The following MARCHF1 variants were observed in gnomAD, a reference collection of about 807,000 sequenced individuals.
MARCHF1 encodes the protein membrane associated ring-CH-type finger 1.
In MARCHF1, 40 loss-of-function variants were observed where a neutral mutation model predicts 54.2. The ratio of observed to expected loss-of-function variants is 0.74; its 90% CI spans 0.57 to 0.96. MARCHF1 has a LOEUF of 0.96. MARCHF1 is among the 40% of genes least tolerant of loss of function. The probability of loss-of-function intolerance (pLI) is 0.00; values close to 1 mark genes in which losing one functional copy is unlikely to be tolerated. For synonymous variants in MARCHF1, 236 were observed against 236.3 expected, an observed-to-expected ratio of 1.00 and a Z score of 0.01; for missense variants, 586 against 656.5, an observed-to-expected ratio of 0.89 and a Z score of 1.17.
At chr4:163,554,491 C>G (rs1739219874) in intron 8 of MARCHF1, among the ~76,000 whole-genome samples, 1 of 152,076 alleles carries the variant, frequency 6.6e-6, no homozygotes, top group South Asian at 2.1e-4. Context: ...GTAGTTAGGT[C>G]GAACAGGCTA....
chr4:163,851,410 G>T (rs1407693785), intron 4 of MARCHF1, among the ~76,000 whole-genome samples: 1 of 152,120 alleles, frequency 6.6e-6, no homozygotes, highest in Non-Finnish European at 1.5e-5. Context: ...GGTTTATTGT[G>T]GATTCCCTTT....
At chr4:163,865,400 A>T (rs989784569) in intron 3 of MARCHF1, among the ~76,000 whole-genome samples, 2 of 151,884 alleles carry the variant, frequency 1.3e-5, no homozygotes, top group Admixed American at 1.3e-4. Flanking sequence ...ATGTGGATTT[A>T]AGTTCTGATT....
At chr4:164,233,557 T>C (rs1354101264) in intron 1 of MARCHF1, among the ~76,000 whole-genome samples, 1 of 152,104 alleles carries the variant, frequency 6.6e-6, no homozygotes, top group East Asian at 1.9e-4. Context: ...TGGACTGAAC[T>C]ACTCTAGGCC....
intron 5 of MARCHF1, among the ~76,000 whole-genome samples, chr4:163,662,102 T>C (rs1469320583): frequency 6.6e-6 from 1 of 152,058 alleles, no homozygotes; most frequent in African/African-American, 2.4e-5. Flanking sequence ...GTGTAAGATG[T>C]AGCATTTGTT....
chr4:163,533,415 T>A (rs1738421064), intron 9 of MARCHF1, among the ~76,000 whole-genome samples: 2 of 151,910 alleles, frequency 1.3e-5, no homozygotes, highest in African/African-American at 4.8e-5. Context: ...TGTATGATTC[T>A]GTAACGGTGG....
At chr4:164,202,556 T>C (rs1219131713) in intron 1 of MARCHF1, among the ~76,000 whole-genome samples, 2 of 152,206 alleles carry the variant, frequency 1.3e-5, no homozygotes, top group Admixed American at 1.3e-4. Context: ...GATTTTGTTA[T>C]TATCCCCATT....
intron 1 of MARCHF1, chr4:164,190,409 A>G: frequency 2.1e-6 from 1 of 475,732 alleles, no homozygotes; most frequent in Non-Finnish European, 3.8e-6. Context: ...AAATGAGAGA[A>G]GTCAAGTCTT....
At chr4:164,311,905 T>C (rs549593939) in intron 1 of MARCHF1, among the ~76,000 whole-genome samples, 1 of 152,360 alleles carries the variant, frequency 6.6e-6, no homozygotes, top group East Asian at 1.9e-4. Flanking sequence ...CTATTTAATG[T>C]TTTGAACGAT....
chr4:163,910,545 A>G (rs1751167132), intron 3 of MARCHF1, among the ~76,000 whole-genome samples: 1 of 152,156 alleles, frequency 6.6e-6, no homozygotes, highest in Admixed American at 6.5e-5. Flanking sequence ...TCCAGGCAGA[A>G]GTGCAATGGC....
At chr4:163,835,666 G>A (rs551552318) in intron 4 of MARCHF1, among the ~76,000 whole-genome samples, 2 of 152,182 alleles carry the variant, frequency 1.3e-5, no homozygotes, top group African/African-American at 4.8e-5. Context: ...CTCTGGCTCC[G>A]GAGGCTGCCC....
intron 2 of MARCHF1, among the ~76,000 whole-genome samples, chr4:164,021,080 T>C (rs1281459226): frequency 4.3e-4 from 5 of 11,560 alleles, no homozygotes; most frequent in African/African-American, 7.7e-4. Context: ...TTTCTGTCCC[T>C]TTTTTTTTTT....
At chr4:164,351,104 A>G (rs1005395597) in intron 1 of MARCHF1, among the ~76,000 whole-genome samples, 1 of 152,202 alleles carries the variant, frequency 6.6e-6, no homozygotes, top group Non-Finnish European at 1.5e-5. Flanking sequence ...CCTGGCTCGG[A>G]GGGTCCTACC....
At chr4:163,725,558 T>C (rs1396098428) in intron 4 of MARCHF1, among the ~76,000 whole-genome samples, 3 of 151,988 alleles carry the variant, frequency 2.0e-5, no homozygotes, top group African/African-American at 7.3e-5. Flanking sequence ...TAGAAAGTAA[T>C]GAATTCAAGT....
At chr4:164,178,341 A>T (rs1730745041) in intron 1 of MARCHF1, among the ~76,000 whole-genome samples, 1 of 152,216 alleles carries the variant, frequency 6.6e-6, no homozygotes, top group Admixed American at 6.5e-5. Flanking sequence ...CTCTGGACAG[A>T]GGTGACTCTT....
intron 2 of MARCHF1, among the ~76,000 whole-genome samples, chr4:164,059,565 A>C (rs1270326823): frequency 6.6e-6 from 1 of 152,220 alleles, no homozygotes; most frequent in African/African-American, 2.4e-5. Flanking sequence ...TATAGGAGGC[A>C]TCGCAGCTTT....
intron 5 of MARCHF1, among the ~76,000 whole-genome samples, chr4:163,630,396 G>A (rs1014935963): frequency 3.3e-5 from 5 of 152,212 alleles, no homozygotes; most frequent in Non-Finnish European, 5.9e-5. Context: ...ACATGAAGCA[G>A]ATTAGCGGTT....
chr4:163,646,558 A>G (rs1742766846), intron 5 of MARCHF1, among the ~76,000 whole-genome samples: 1 of 152,146 alleles, frequency 6.6e-6, no homozygotes, highest in African/African-American at 2.4e-5. Flanking sequence ...ACTATTAAAA[A>G]TAAGTATAGC....
intron 2 of MARCHF1, among the ~76,000 whole-genome samples, chr4:164,035,644 A>AAC (rs1328353214): frequency 6.7e-6 from 1 of 149,476 alleles, no homozygotes; most frequent in Non-Finnish European, 1.5e-5. Context: ...AAAAAAAAAA[A>AAC]AATCAGAAAC....
At chr4:164,324,222 A>G (rs1412079362) in intron 1 of MARCHF1, among the ~76,000 whole-genome samples, 2 of 151,874 alleles carry the variant, frequency 1.3e-5, no homozygotes, top group Non-Finnish European at 3.0e-5. Context: ...AAGGCATTTG[A>G]CACATTTCAT....
Sources: allele counts gnomAD v4.1 joint callset (sites outside exome capture counted in the v4.1 genomes callset), GRCh38; gene constraint gnomAD v4.1.1; transcripts MANE v1.5; gene names NCBI Gene and HGNC (gene_info 2026-07-23, HGNC 2026-07-21).